Variants in PRLR observed in about 807,000 individuals in gnomAD.
The protein encoded by PRLR is hPRL receptor.
Under a neutral mutation model 40.2 loss-of-function variants are expected in PRLR, and 13 were observed. That is an observed-to-expected ratio of 0.32 (90% CI 0.21 to 0.51). The LOEUF (loss-of-function observed/expected upper bound fraction) is 0.51. Ranked by LOEUF, PRLR falls within the 20% of genes least tolerant of loss-of-function variation. The probability of loss-of-function intolerance (pLI) is 0.97; values close to 1 mark genes in which losing one functional copy is unlikely to be tolerated. For missense variants in PRLR, 656 were observed against 747.3 expected (o/e 0.88, Z 1.42); for synonymous variants, 269 against 278.7 (o/e 0.97, Z 0.35).
intron 1 of PRLR, among the ~76,000 whole-genome samples, chr5:35,171,309 T>C (rs1442995968): frequency 6.7e-6 from 1 of 148,240 alleles, no homozygotes; most frequent in Non-Finnish European, 1.5e-5. Context: ...GGTTTTTGGA[T>C]TCATTTCCAG....
chr5:35,198,460 T>C (rs529546811), intron 1 of PRLR, among the ~76,000 whole-genome samples: 2 of 152,238 alleles, frequency 1.3e-5, no homozygotes, highest in Non-Finnish European at 2.9e-5. Context: ...ATGCCTACAG[T>C]AGCCTCTGTT....
chr5:35,184,914 T>C (rs1775385570), intron 1 of PRLR, among the ~76,000 whole-genome samples: 1 of 152,256 alleles, frequency 6.6e-6, no homozygotes, highest in African/African-American at 2.4e-5. Context: ...TCAACAAATA[T>C]AGGTGTTACT....
chr5:35,185,810 G>GGGGAGGGAGTCCGTAGGA (rs1383969888), intron 1 of PRLR, among the ~76,000 whole-genome samples: 2 of 152,202 alleles, frequency 1.3e-5, no homozygotes, highest in African/African-American at 4.8e-5. Context: ...GATTGCTTGT[G>GGGGAGGGAGTCCGTAGGA]GGGAGGGAGT....
Position 35,062,005 on chromosome 5 carries a change from G to A in PRLR, c.*3084C>T, listed in dbSNP as rs1264778429. The A allele has an allele frequency of 6.6e-6, 1 of 151,884 alleles. No homozygotes were observed. Among genetic ancestry groups the A allele is most frequent in the Non-Finnish European group, 1.5e-5 (1 of 67,978 alleles). The allele number at this position is 151,884 out of a possible 1,614,324, so 9.4% of individuals were successfully genotyped here. A position where few individuals can be genotyped will look rare whatever the true frequency, so the allele number is the denominator to read the frequency against. On this transcript the variant is annotated 3_prime_UTR_variant, in exon 10 of 10. Transcript: ENST00000618457. ...CAATCTCCTGCCTCTTTTTTTAAAT[G>A]CCTCTTTCTACACATATATTTGCAC...
chr5:35,182,548 A>G (rs754620190), intron 1 of PRLR, among the ~76,000 whole-genome samples: 1 of 152,254 alleles, frequency 6.6e-6, no homozygotes, highest in African/African-American at 2.4e-5. Context: ...TATGCAGTTG[A>G]TCATTTAGCA....
chr5:35,091,616 G>A (rs1316860145), intron 2 of PRLR, among the ~76,000 whole-genome samples: 2 of 152,280 alleles, frequency 1.3e-5, no homozygotes, highest in Middle Eastern at 6.8e-3. Context: ...CTGTGGGAGA[G>A]ACGGTGGAGA....
intron 1 of PRLR, among the ~76,000 whole-genome samples, chr5:35,170,765 A>G (rs1774974995): frequency 1.3e-5 from 2 of 152,230 alleles, no homozygotes; most frequent in East Asian, 3.8e-4. Context: ...ACTGACTTCA[A>G]AATTTAATAT....
intron 1 of PRLR, among the ~76,000 whole-genome samples, chr5:35,194,950 A>G (rs1228002647): frequency 6.6e-6 from 1 of 152,210 alleles, no homozygotes; most frequent in East Asian, 1.9e-4. Context: ...ATCATGATAA[A>G]CATACCACAC....
At chr5:35,202,394 C>T (rs1775905024) in intron 1 of PRLR, among the ~76,000 whole-genome samples, 1 of 152,182 alleles carries the variant, frequency 6.6e-6, no homozygotes, top group Non-Finnish European at 1.5e-5. Context: ...CTTGCTGTCA[C>T]TTCTTCTCCT....
intron 1 of PRLR, among the ~76,000 whole-genome samples, chr5:35,215,252 G>A (rs1332484574): frequency 6.6e-6 from 1 of 152,178 alleles, no homozygotes; most frequent in Admixed American, 6.5e-5. Flanking sequence ...GCATGTTGCT[G>A]GTTTGTTGGT....
In PRLR at chr5:35,143,455, C is replaced by T. The variant is rs542058019; in HGVS notation, c.-105-25333G>A. Among the ~76,000 whole-genome samples, 6 of 152,348 alleles carry T rather than the reference C, an allele frequency of 3.9e-5. No individual in the cohort carries two copies. The South Asian group carries it at 1.2e-3, about 32-fold the overall frequency. On this transcript the variant is annotated intron_variant, in intron 1 of 9. Coordinates refer to ENST00000618457, the MANE Select transcript of PRLR (RefSeq NM_000949.7). ...TTTCTGTCTGACATTCCTCCCCTAT[C>T]ATCATGATTGACTCCCTCTGATCAC...
chr5:35,107,933 T>C (rs1404911668), intron 2 of PRLR, among the ~76,000 whole-genome samples: 3 of 152,100 alleles, frequency 2.0e-5, no homozygotes, highest in South Asian at 4.1e-4. Flanking sequence ...AAAGAGAATT[T>C]TAGACCAATA....
At position 35,103,950 on chromosome 5, in the gene PRLR, CT is replaced by C. The variant is rs973949244; in HGVS notation, c.-44+14110del. ...TAAAAGATCCTATTATAATATTTTC[CT>C]TTTTTTTTTAAAGCTGTGTAAGTGC... On this transcript the variant is annotated intron_variant, in intron 2 of 9. Transcript: ENST00000618457. Among the ~76,000 whole-genome samples, 12 of 149,228 alleles carry C rather than the reference CT, an allele frequency of 8.0e-5. No homozygotes were observed. In the South Asian group the frequency reaches 8.5e-4, roughly 11 times the overall value.
At position 35,068,673 on chromosome 5, in the gene PRLR, C is replaced by A. The variant is rs910585216; in HGVS notation, c.785+106G>T. 12 of 911,348 alleles carry A rather than the reference C, an allele frequency of 1.3e-5. No individual in the cohort carries two copies. In the Middle Eastern group the frequency reaches 8.8e-4, roughly 67 times the overall value. 56.5% of individuals were successfully genotyped at this position (911,348 alleles called of 1,614,324 possible). On this transcript the variant is annotated intron_variant, in intron 8 of 9. Transcript: ENST00000618457. Reference sequence around the variant, plus strand: ...TGGGCAAACACACTACATCTAATGGCTAAAATGAGGATTATCTACAGGTTT... The same window carrying A: ...TGGGCAAACACACTACATCTAATGGATAAAATGAGGATTATCTACAGGTTT...
At chr5:35,120,648 C>T (rs1433028533) in intron 1 of PRLR, among the ~76,000 whole-genome samples, 1 of 152,102 alleles carries the variant, frequency 6.6e-6, no homozygotes, top group East Asian at 1.9e-4. Context: ...CAGTCAAAGA[C>T]CAACCTGATC....
chr5:35,066,077 C>T lies in PRLR; in HGVS notation c.881G>A (p.Ser294Asn). 1.9e-6 allele frequency: 3 copies of T among 1,613,856 alleles called. No individual in the cohort carries two copies. Among genetic ancestry groups the T allele is most frequent in the South Asian group, 1.1e-5 (1 of 91,074 alleles). ...LEKGKSEELL[S>N]ALGCQDFPPT... ...AGGAAAGTCTTGGCATCCCAAGGCA[C>T]TCAGTAGTTCTTCAGACTTGCCCTT... The change falls in exon 10 of 10, where the codon AGT becomes AAT. Residue 294 changes from serine to asparagine, a missense_variant. Coordinates refer to ENST00000618457, the MANE Select transcript of PRLR (RefSeq NM_000949.7).
chr5:35,227,130 T>C (rs910245035), intron 1 of PRLR, among the ~76,000 whole-genome samples: 2 of 152,144 alleles, frequency 1.3e-5, no homozygotes, highest in Admixed American at 6.5e-5. Context: ...TTGGGAAGGG[T>C]CAGGAATATT....
At chr5:35,094,887 G>T (rs1162101430) in intron 2 of PRLR, among the ~76,000 whole-genome samples, 1 of 149,896 alleles carries the variant, frequency 6.7e-6, no homozygotes, top group African/African-American at 2.5e-5. Flanking sequence ...GAGTGCAGTG[G>T]CATGATCACC....
chr5:35,191,922 A>G (rs1457219889), intron 1 of PRLR, among the ~76,000 whole-genome samples: 1 of 152,144 alleles, frequency 6.6e-6, no homozygotes, highest in African/African-American at 2.4e-5. Context: ...TTCTGCCAGG[A>G]ACATGCTACC....
Sources: allele counts gnomAD v4.1 joint callset (sites outside exome capture counted in the v4.1 genomes callset), GRCh38; gene constraint gnomAD v4.1.1; transcripts MANE v1.5; gene names NCBI Gene and HGNC (gene_info 2026-07-23, HGNC 2026-07-21).